NDUFA10: variants seen among roughly 807,000 people sequenced by gnomAD.
NDUFA10 encodes the protein NADH:ubiquinone oxidoreductase subunit A10.
In NDUFA10, 40 loss-of-function variants were observed where a neutral mutation model predicts 47.8. That is an observed-to-expected ratio of 0.84 (90% CI 0.65 to 1.09). NDUFA10 has a LOEUF of 1.09. NDUFA10 is among the 50% of genes least tolerant of loss of function. The pLI is 0.00. For missense variants in NDUFA10, 413 were observed against 451.1 expected (o/e 0.92, Z 0.76); for synonymous variants, 183 against 172.2 (o/e 1.06, Z -0.49).
At chr2:240,017,393 A>T (rs1221289699) in intron 4 of NDUFA10, among the ~76,000 whole-genome samples, 4 of 152,096 alleles carry the variant, frequency 2.6e-5, no homozygotes, top group Non-Finnish European at 5.9e-5. Flanking sequence ...TGCGCTACAG[A>T]TGACAGGCCA....
At chr2:240,011,876 C>A in intron 5 of NDUFA10, 180 bp from the exon 6 acceptor site, 2 of 654,666 alleles carry the variant, frequency 3.1e-6, no homozygotes, top group Non-Finnish European at 2.8e-6. Flanking sequence ...CATTCTCCTT[C>A]TACTACAGTG....
At position 239,906,426 on chromosome 2, in the gene NDUFA10, G is replaced by T. The variant is rs922603117; in HGVS notation, c.295-11112C>A. On this transcript the variant is annotated intron_variant, in intron 4 of 5. Transcript: ENST00000419408. This position sits in a 1 kb window ranked among gnomAD's most constrained non-coding sequence, Gnocchi z 4.3. ...TGACCCTTGAAATCAGAGCAACAAG[G>T]GCTCCTGAAGCACCCCAGGCCTTGA... 6.6e-6 allele frequency among the ~76,000 whole-genome samples: 1 copy of T among 152,074 alleles called. No individual in the cohort carries two copies. Among genetic ancestry groups the T allele is most frequent in the African/African-American group, 2.4e-5 (1 of 41,402 alleles).
At chr2:239,940,819 G>T (rs75551822) in intron 4 of NDUFA10, among the ~76,000 whole-genome samples, 8,592 of 152,230 alleles carry the variant, frequency 0.056, 316 homozygotes, top group Non-Finnish European at 0.077. Flanking sequence ...CCACTATACA[G>T]CACAGAACAT....
intron 5 of NDUFA10, 174 bp from the exon 6 acceptor site, chr2:240,011,870 C>T: frequency 4.5e-6 from 3 of 663,472 alleles, no homozygotes; most frequent in Non-Finnish European, 5.5e-6. Flanking sequence ...TAGAGTCATT[C>T]TCCTTCTACT....
At chr2:239,898,762 T>C (rs1175832650) in intron 4 of NDUFA10, among the ~76,000 whole-genome samples, 2 of 152,112 alleles carry the variant, frequency 1.3e-5, no homozygotes, top group Non-Finnish European at 2.9e-5. Context: ...CATTCACGAG[T>C]GCACAACGAA....
At chr2:239,983,366 G>A in intron 9 of NDUFA10, 1 of 1,299,378 alleles carries the variant, frequency 7.7e-7, no homozygotes, top group Admixed American at 2.6e-5. Flanking sequence ...GAGAACTGCT[G>A]CTGATGTCTC....
At chr2:239,990,051 T>C (rs373080713) in intron 9 of NDUFA10, 23 bp downstream of exon 9, 1 of 1,553,274 alleles carries the variant, frequency 6.4e-7, no homozygotes, top group Non-Finnish European at 8.9e-7. Context: ...ACTGGCCAGC[T>C]TTCTCCATTT....
rs1315406944 is a variant in NDUFA10, at chr2:240,008,217, C to G, written c.750-847G>C. ...CACTCAGTAACACATCTGTTCCACA[C>G]AAGTCTATAACTCACAATTCAGAGT... On this transcript the variant is annotated intron_variant, in intron 6 of 9. Transcript: ENST00000252711. Among the ~76,000 whole-genome samples the G allele has an allele frequency of 2.0e-5, 3 of 152,206 alleles. No homozygotes were observed. In the East Asian group the frequency reaches 5.8e-4, roughly 29 times the overall value.
At position 240,007,305 on chromosome 2, in the gene NDUFA10, C is replaced by G. The variant is rs373618076; in HGVS notation, c.804+11G>C. ...TAGGAATAACTTTCAACTTTTCAAC[C>G]ATTTTCTTACCTTTTTTGAATCTTG... On this transcript the variant is annotated intron_variant, in intron 7 of 9. Coordinates refer to ENST00000252711, the MANE Select transcript of NDUFA10 (RefSeq NM_004544.4). The G allele has an allele frequency of 6.4e-7, 1 of 1,574,330 alleles. No individual in the cohort carries two copies. The highest frequency in any genetic ancestry group is 1.1e-5 in the South Asian group (1 of 90,006).
intron 4 of NDUFA10, among the ~76,000 whole-genome samples, chr2:239,895,826 G>A (rs1052168433): frequency 6.6e-6 from 1 of 152,212 alleles, no homozygotes; most frequent in Admixed American, 6.5e-5. Context: ...TTCACTTCTC[G>A]ATACTGGCCG....
At chr2:239,930,053 G>C (rs34430146) in intron 4 of NDUFA10, among the ~76,000 whole-genome samples, 1 of 20,624 alleles carries the variant, frequency 4.8e-5, no homozygotes, top group Non-Finnish European at 9.4e-5. Flanking sequence ...CTGCTCCTCC[G>C]CTGCCCCTGC....
At chr2:240,006,367 G>A (rs1173052043) in intron 7 of NDUFA10, among the ~76,000 whole-genome samples, 1 of 152,056 alleles carries the variant, frequency 6.6e-6, no homozygotes, top group Non-Finnish European at 1.5e-5. Flanking sequence ...GAGAATGCAG[G>A]GCTTCCCTCT....
chr2:239,952,390 T>A (rs906156306), downstream of NDUFA10, among the ~76,000 whole-genome samples: 2 of 152,126 alleles, frequency 1.3e-5, no homozygotes, highest in Middle Eastern at 3.4e-3. Flanking sequence ...AGGCCAGCAC[T>A]GTGCAGCCCG....
chr2:239,949,640 C>T (rs62185253), intron 4 of NDUFA10, among the ~76,000 whole-genome samples: 69,138 of 151,592 alleles, frequency 0.46, 15,916 homozygotes, highest in East Asian at 0.66. Context: ...ACAACAGGCG[C>T]GTGCCACCAC....
chr2:239,944,320 C>T (rs1035083010), intron 4 of NDUFA10, among the ~76,000 whole-genome samples: 3 of 152,200 alleles, frequency 2.0e-5, no homozygotes, highest in Non-Finnish European at 4.4e-5. Context: ...TTGGGTCTGG[C>T]GTCTGCTCCA....
Position 239,987,717 on chromosome 2 carries a change from G to C in NDUFA10, c.999+2357C>G, listed in dbSNP as rs530678435. 6.6e-6 allele frequency among the ~76,000 whole-genome samples: 1 copy of C among 152,318 alleles called. No homozygotes were observed. Among genetic ancestry groups the C allele is most frequent in the South Asian group, 2.1e-4 (1 of 4,814 alleles). On this transcript the variant is annotated intron_variant, in intron 9 of 9. Coordinates refer to ENST00000252711, the MANE Select transcript of NDUFA10 (RefSeq NM_004544.4). This position sits in a 1 kb window ranked among gnomAD's most constrained non-coding sequence, Gnocchi z 4.8. ...CATGCAGGCGCAGCGCCCAGGGAAGGGGTGGGCAGCCGTGGGGCGAATGCG... is the reference window on the plus strand; with the variant it reads ...CATGCAGGCGCAGCGCCCAGGGAAGCGGTGGGCAGCCGTGGGGCGAATGCG...
At chr2:240,005,099 T>C (rs1158650771) in intron 8 of NDUFA10, 111 bp downstream of exon 8, 1 of 931,270 alleles carries the variant, frequency 1.1e-6, no homozygotes, top group Admixed American at 1.7e-5. Flanking sequence ...AAGTATTGGG[T>C]TGGTGCTGCT....
chr2:240,017,990 A>G (rs1201245409), intron 4 of NDUFA10: 1 of 1,152,284 alleles, frequency 8.7e-7, no homozygotes, highest in African/African-American at 1.5e-5. Context: ...CAGACACCCC[A>G]ACCCCACCCT....
At chr2:239,991,884 A>C (rs557987534) in intron 8 of NDUFA10, among the ~76,000 whole-genome samples, 1 of 152,384 alleles carries the variant, frequency 6.6e-6, no homozygotes, top group South Asian at 2.1e-4. Flanking sequence ...TGTGTAGTAT[A>C]GAGAGCAACA....
Sources: allele counts gnomAD v4.1 joint callset (sites outside exome capture counted in the v4.1 genomes callset), GRCh38; gene constraint gnomAD v4.1.1; non-coding constraint Gnocchi (gnomAD v3.1); transcripts MANE v1.5; gene names NCBI Gene and HGNC (gene_info 2026-07-23, HGNC 2026-07-21).